The following DNM3 variants were observed in gnomAD, a reference collection of about 807,000 sequenced individuals.
DNM3 encodes the protein dynamin 3, also known as dynamin-3.
Under a neutral mutation model 101.6 loss-of-function variants are expected in DNM3, and 47 were observed. That is an observed-to-expected ratio of 0.46 (90% CI 0.37 to 0.59). The LOEUF is 0.59. Among genes scored for constraint, DNM3 ranks in the 20% least tolerant of loss-of-function variants. DNM3 has a pLI of 0.00. For missense variants in DNM3, 849 were observed against 1,085.7 expected (o/e 0.78, Z 3.06); for synonymous variants, 385 against 387.9 (o/e 0.99, Z 0.09).
At chr1:171,851,538 T>G (rs6425455) in intron 1 of DNM3, among the ~76,000 whole-genome samples, 91,224 of 151,946 alleles carry the variant, frequency 0.6, 27,628 homozygotes, top group East Asian at 0.8. Context: ...CTCAGCCACC[T>G]GAGTAGCTGG....
Position 172,253,602 on chromosome 1 carries a change from G to A in DNM3, c.1689G>A (p.Leu563=). 6.3e-7 allele frequency: 1 copy of A among 1,579,252 alleles called. No individual in the cohort carries two copies. The highest frequency in any genetic ancestry group is 8.6e-7 in the Non-Finnish European group (1 of 1,162,926). Reference sequence around the variant, plus strand: ...AAGAAAAGAAGTACATGCTTCCCTTGGACAACCTGAAAGTTCGGGATGTGG... The same window carrying A: ...AAGAAAAGAAGTACATGCTTCCCTTAGACAACCTGAAAGTTCGGGATGTGG... ...EEKEKKYMLP[L]DNLKVRDVEK... is the part of the protein sequence containing the mutation. Residue 563 remains leucine (L), a synonymous_variant, in exon 15 of 21, where the codon TTG becomes TTA. Transcript: ENST00000627582.
At chr1:172,104,006 A>T (rs967082184) in intron 13 of DNM3, among the ~76,000 whole-genome samples, 11 of 152,250 alleles carry the variant, frequency 7.2e-5, no homozygotes, top group Non-Finnish European at 1.0e-4. Flanking sequence ...GTCTCAAAAA[A>T]AAAGTTACAG....
chr1:172,394,942 C>G (rs945000282), intron 20 of DNM3, among the ~76,000 whole-genome samples: 1 of 152,184 alleles, frequency 6.6e-6, no homozygotes, highest in Non-Finnish European at 1.5e-5. Context: ...GCTAGTACTT[C>G]TATTTCATCA....
intron 1 of DNM3, among the ~76,000 whole-genome samples, chr1:171,894,295 G>C (rs1329155523): frequency 6.6e-6 from 1 of 152,166 alleles, no homozygotes; most frequent in Non-Finnish European, 1.5e-5. Flanking sequence ...CACTGTCCTT[G>C]AGCAGGGAAA....
chr1:171,891,593 C>G (rs2037288301), intron 1 of DNM3, among the ~76,000 whole-genome samples: 1 of 152,088 alleles, frequency 6.6e-6, no homozygotes, highest in African/African-American at 2.4e-5. Context: ...CTAGGCTCTT[C>G]TTAGATGTGA....
intron 2 of DNM3, among the ~76,000 whole-genome samples, chr1:171,969,750 C>T (rs1324006148): frequency 6.6e-6 from 1 of 152,132 alleles, no homozygotes; most frequent in Non-Finnish European, 1.5e-5. Context: ...CATGTCAAAA[C>T]ACCGTATTTT....
intron 2 of DNM3, among the ~76,000 whole-genome samples, chr1:171,966,816 C>A (rs1480616907): frequency 6.6e-6 from 1 of 152,168 alleles, no homozygotes; most frequent in African/African-American, 2.4e-5. Context: ...CTATAGGACA[C>A]AAAGACAGTT....
intron 17 of DNM3, among the ~76,000 whole-genome samples, chr1:172,360,529 C>G (rs1316353705): frequency 6.6e-6 from 1 of 151,786 alleles, no homozygotes; most frequent in Admixed American, 6.6e-5. Flanking sequence ...TTCTTAATAT[C>G]TGCTAAATAT....
intron 2 of DNM3, among the ~76,000 whole-genome samples, chr1:171,937,050 T>G (rs2041480404): frequency 6.6e-6 from 1 of 152,226 alleles, no homozygotes. Context: ...TTAAGGATGT[T>G]TATAGATTAG....
chr1:172,347,727 A>G (rs915701958), intron 17 of DNM3, among the ~76,000 whole-genome samples: 1 of 152,196 alleles, frequency 6.6e-6, no homozygotes, highest in Admixed American at 6.5e-5. Context: ...CTAGAAGGAA[A>G]TAGTAGAATG....
At chr1:172,116,043 C>T (rs147986338) in intron 13 of DNM3, among the ~76,000 whole-genome samples, 214 of 152,248 alleles carry the variant, frequency 1.4e-3, no homozygotes, top group African/African-American at 5.0e-3. Flanking sequence ...GATGGATCTT[C>T]TATCTCTGGC....
chr1:172,366,984 A>G lies in DNM3; in HGVS notation c.1894-12034A>G, dbSNP rs112964337. Among the ~76,000 whole-genome samples the G allele has an allele frequency of 2.0e-3, 305 of 151,946 alleles. 1 individual carries two copies. The highest frequency in any genetic ancestry group is 7.0e-3 in the African/African-American group (291 of 41,534). On this transcript the variant is annotated intron_variant, in intron 17 of 20. Coordinates refer to ENST00000627582, the MANE Select transcript of DNM3 (RefSeq NM_015569.5). ...TTTGCGTGTCTTGATAGAAATATAG[A>G]TATCTAGATCCAGGAAACTCAAAAC...
In DNM3 at chr1:172,191,337, A is replaced by G. The variant is rs550591379; in HGVS notation, c.1659+60049A>G. The stretch of plus-strand genomic sequence containing the variant: ...GATCAGATGATTGTAGATATGTGGT[A>G]TTATTTCTGAGGGCTCTATTCTGTT... On this transcript the variant is annotated intron_variant, in intron 14 of 20. Coordinates refer to ENST00000627582, the MANE Select transcript of DNM3 (RefSeq NM_015569.5). Among the ~76,000 whole-genome samples the G allele has an allele frequency of 1.2e-4, 18 of 152,104 alleles. No homozygotes were observed. The East Asian group carries it at 2.9e-3, about 25-fold the overall frequency.
intron 16 of DNM3, among the ~76,000 whole-genome samples, chr1:172,313,692 G>T (rs1469486787): frequency 2.6e-5 from 4 of 152,144 alleles, no homozygotes; most frequent in Admixed American, 2.6e-4. Flanking sequence ...GACTTTATAA[G>T]ATTAAATGAA....
intron 10 of DNM3, among the ~76,000 whole-genome samples, chr1:172,050,212 G>A (rs116669894): frequency 0.013 from 2,006 of 152,190 alleles, 20 homozygotes; most frequent in Middle Eastern, 0.027. Flanking sequence ...GCAACCTATC[G>A]TGTCCCTTGT....
intron 12 of DNM3, among the ~76,000 whole-genome samples, chr1:172,091,680 TTG>T (rs1474926160): frequency 6.6e-6 from 1 of 152,174 alleles, no homozygotes; most frequent in East Asian, 1.9e-4. Context: ...GAGTAGGGCC[TTG>T]TAGACCCTTG....
At chr1:172,416,380 C>G (rs1185429037), downstream of DNM3, among the ~76,000 whole-genome samples, 3 of 152,108 alleles carry the variant, frequency 2.0e-5, no homozygotes, top group Non-Finnish European at 4.4e-5. Flanking sequence ...AATTTTGACC[C>G]AGTAAATGGT....
At chr1:172,178,120 GC>G (rs1445788299) in intron 14 of DNM3, among the ~76,000 whole-genome samples, 2 of 151,844 alleles carry the variant, frequency 1.3e-5, no homozygotes, top group South Asian at 4.2e-4. Flanking sequence ...GTAACACTGT[GC>G]TAAGTATTAG....
intron 2 of DNM3, among the ~76,000 whole-genome samples, chr1:171,984,217 C>T (rs975197824): frequency 2.0e-5 from 3 of 152,178 alleles, no homozygotes; most frequent in African/African-American, 7.2e-5. Context: ...TCATCATTGT[C>T]TGTCCTCAAC....
Sources: gnomAD v4.1 joint callset for allele counts (sites outside exome capture counted in the v4.1 genomes callset) on GRCh38, gnomAD v4.1.1 for gene constraint, MANE v1.5 for transcripts, NCBI Gene and HGNC (gene_info 2026-07-23, HGNC 2026-07-21) for gene names.